CNTNAP2: variants seen among roughly 807,000 people sequenced by gnomAD.
CNTNAP2 encodes the protein contactin associated protein 2, also known as contactin-associated protein-like 2.
CNTNAP2 carries 98 observed loss-of-function variants against 155.2 expected under a neutral mutation model. The ratio of observed to expected loss-of-function variants is 0.63; its 90% CI spans 0.54 to 0.75. The LOEUF is 0.75. CNTNAP2 is among the 30% of genes least tolerant of loss of function. The probability of loss-of-function intolerance (pLI) is 0.00; values close to 1 mark genes in which losing one functional copy is unlikely to be tolerated. For synonymous variants in CNTNAP2, 651 were observed against 631.2 expected (o/e 1.03, Z -0.47); for missense variants, 1,727 against 1,688.1 (o/e 1.02, Z -0.40).
intron 4 of CNTNAP2, among the ~76,000 whole-genome samples, chr7:147,098,717 T>G (rs1800594227): frequency 6.6e-6 from 1 of 152,144 alleles, no homozygotes; most frequent in East Asian, 1.9e-4. Flanking sequence ...TATAGTTTAT[T>G]AGTAGAAAAT....
At chr7:146,262,804 A>C (rs939912525) in intron 1 of CNTNAP2, among the ~76,000 whole-genome samples, 1 of 152,200 alleles carries the variant, frequency 6.6e-6, no homozygotes, top group African/African-American at 2.4e-5. Context: ...ATATGATTTT[A>C]CATTTAGAAA....
intron 14 of CNTNAP2, among the ~76,000 whole-genome samples, chr7:147,925,154 A>AGAGAGAAGGAAG (rs1554450375): frequency 4.7e-5 from 3 of 63,340 alleles, no homozygotes; most frequent in African/African-American, 5.9e-5. Flanking sequence ...AGAGAGAGAG[A>AGAGAGAAGGAAG]GAAGGAAGGA....
chr7:146,283,281 A>G (rs111425105), intron 1 of CNTNAP2, among the ~76,000 whole-genome samples: 4,657 of 152,354 alleles, frequency 0.031, 237 homozygotes, highest in African/African-American at 0.11. Flanking sequence ...TGAGTATGAA[A>G]CAGATCAGAC....
intron 1 of CNTNAP2, among the ~76,000 whole-genome samples, chr7:146,534,454 T>G (rs1277705587): frequency 6.6e-6 from 1 of 152,104 alleles, no homozygotes; most frequent in Non-Finnish European, 1.5e-5. Context: ...CGTTTATCAA[T>G]TGCAAATGTA....
At chr7:148,250,509 TAC>T (rs1796345089) in intron 20 of CNTNAP2, among the ~76,000 whole-genome samples, 1 of 152,216 alleles carries the variant, frequency 6.6e-6, no homozygotes, top group African/African-American at 2.4e-5. Flanking sequence ...GTGATGTGAC[TAC>T]AGATTCCTTC....
intron 1 of CNTNAP2, among the ~76,000 whole-genome samples, chr7:146,586,005 A>G (rs1018098512): frequency 8.7e-6 from 1 of 114,498 alleles, no homozygotes; most frequent in African/African-American, 3.5e-5. Context: ...GCCCTGTCTC[A>G]AAAAAACAAC....
At chr7:147,429,099 C>T (rs1797426799) in intron 10 of CNTNAP2, among the ~76,000 whole-genome samples, 1 of 151,630 alleles carries the variant, frequency 6.6e-6, no homozygotes, top group South Asian at 2.1e-4. Context: ...TCTGTGAATG[C>T]CATTATTTCA....
At chr7:146,772,901 C>T (rs1480766983) in intron 1 of CNTNAP2, among the ~76,000 whole-genome samples, 2 of 152,132 alleles carry the variant, frequency 1.3e-5, no homozygotes, top group Non-Finnish European at 2.9e-5. Context: ...AAAAGTGTTT[C>T]TTCAGCTGCT....
chr7:147,379,040 A>G (rs12531159), intron 9 of CNTNAP2, among the ~76,000 whole-genome samples: 23,713 of 151,794 alleles, frequency 0.16, 2,118 homozygotes, highest in East Asian at 0.35. Context: ...GTTATAAGGG[A>G]CTTTCCCTCA....
At chr7:146,903,889 G>T (rs1182628983) in intron 3 of CNTNAP2, among the ~76,000 whole-genome samples, 2 of 152,040 alleles carry the variant, frequency 1.3e-5, no homozygotes. Flanking sequence ...CATTAAAAAA[G>T]ATAAATTGGT....
intron 9 of CNTNAP2, among the ~76,000 whole-genome samples, chr7:147,351,219 C>T (rs1231809236): frequency 6.6e-6 from 1 of 151,486 alleles, no homozygotes; most frequent in Non-Finnish European, 1.5e-5. Flanking sequence ...ACTAATTTAC[C>T]TCTTTATGAT....
intron 8 of CNTNAP2, among the ~76,000 whole-genome samples, chr7:147,297,212 T>C (rs1375402326): frequency 6.6e-6 from 1 of 152,228 alleles, no homozygotes; most frequent in African/African-American, 2.4e-5. Flanking sequence ...CATCATTTAC[T>C]TGGCCATCTA....
At chr7:148,221,549 C>T (rs1170130717) in intron 19 of CNTNAP2, among the ~76,000 whole-genome samples, 2 of 152,070 alleles carry the variant, frequency 1.3e-5, no homozygotes, top group Non-Finnish European at 2.9e-5. Context: ...CTTTTTCAGA[C>T]TTCAAATACA....
chr7:147,525,297 C>A (rs1799298862), intron 11 of CNTNAP2, among the ~76,000 whole-genome samples: 1 of 152,080 alleles, frequency 6.6e-6, no homozygotes, highest in African/African-American at 2.4e-5. Flanking sequence ...GTCTGTATAA[C>A]AAAGACAAGG....
intron 3 of CNTNAP2, among the ~76,000 whole-genome samples, chr7:146,875,950 A>AC (rs1795416755): frequency 6.7e-6 from 1 of 148,284 alleles, no homozygotes. Context: ...AAAAAAAAAA[A>AC]AAAAAAAAAA....
intron 10 of CNTNAP2, among the ~76,000 whole-genome samples, chr7:147,422,107 ATATATATATAGTATGTATATATACAG>A (rs1313499597): frequency 3.4e-5 from 5 of 147,212 alleles, no homozygotes; most frequent in Non-Finnish European, 6.0e-5. Context: ...TATACAGTAT[ATATATATATAGTATGTATATATACAG>A]TATATATATA....
chr7:146,970,747 A>T (rs1302597980), intron 3 of CNTNAP2, among the ~76,000 whole-genome samples: 2 of 152,322 alleles, frequency 1.3e-5, no homozygotes, highest in East Asian at 3.9e-4. Flanking sequence ...TGCTGCTATA[A>T]AAACACATGC....
At chr7:146,969,907 A>G (rs996643514) in intron 3 of CNTNAP2, among the ~76,000 whole-genome samples, 2 of 152,210 alleles carry the variant, frequency 1.3e-5, no homozygotes, top group African/African-American at 2.4e-5. Flanking sequence ...ATAATGCCGC[A>G]TATCTACAAC....
At chr7:146,823,126 T>C (rs1412510359) in intron 2 of CNTNAP2, among the ~76,000 whole-genome samples, 2 of 124,566 alleles carry the variant, frequency 1.6e-5, no homozygotes, top group African/African-American at 6.3e-5. Context: ...CATGGAAATA[T>C]ACTCATTCTT....
Sources: allele counts gnomAD v4.1 joint callset (sites outside exome capture counted in the v4.1 genomes callset), GRCh38; gene constraint gnomAD v4.1.1; transcripts MANE v1.5; gene names NCBI Gene and HGNC (gene_info 2026-07-23, HGNC 2026-07-21).